The following ACTN2 variants were observed in gnomAD, a reference collection of about 807,000 sequenced individuals.
ACTN2 encodes the protein alpha-actinin-2.
A neutral mutation model predicts 113.8 loss-of-function variants in ACTN2; 39 were observed. The observed-to-expected ratio is 0.34, with a 90% CI of 0.27 to 0.45. ACTN2 has a LOEUF of 0.45. Among genes scored for constraint, ACTN2 ranks in the 20% least tolerant of loss-of-function variants. The probability of loss-of-function intolerance (pLI) is 1.00; values close to 1 mark genes in which losing one functional copy is unlikely to be tolerated. For missense variants in ACTN2, 992 were observed against 1,177.9 expected, an observed-to-expected ratio of 0.84 and a Z score of 2.31; for synonymous variants, 429 against 444.1, an observed-to-expected ratio of 0.97 and a Z score of 0.43.
In ACTN2 at chr1:236,757,468, CCCCTTTT is replaced by C. The variant is rs1299215367; in HGVS notation, c.2155-13_2155-7del. 5 of 1,613,938 alleles carry C rather than the reference CCCCTTTT, an allele frequency of 3.1e-6. No homozygotes were observed. Among genetic ancestry groups the C allele is most frequent in the Non-Finnish European group, 3.4e-6 (4 of 1,179,980 alleles). On this transcript the variant is annotated splice_polypyrimidine_tract_variant and intron_variant, in intron 17 of 20. Transcript: ENST00000366578. ...CTGGAGAGACTTAGAACTGATCTTTCCCCTTTTCCCTCAATAGCACATTCGTGTTGGA... is the reference window on the plus strand; with the variant it reads ...CTGGAGAGACTTAGAACTGATCTTTCCCCTCAATAGCACATTCGTGTTGGA...
At chr1:236,751,002 ATT>A (rs1370314401) in intron 14 of ACTN2, among the ~76,000 whole-genome samples, 1 of 146,842 alleles carries the variant, frequency 6.8e-6, no homozygotes, top group African/African-American at 2.5e-5. Flanking sequence ...AGGCAGGAGG[ATT>A]ACTTGAGCCC....
intron 1 of ACTN2, among the ~76,000 whole-genome samples, chr1:236,705,272 C>G (rs1657791878): frequency 1.3e-5 from 2 of 151,966 alleles, no homozygotes; most frequent in Admixed American, 1.3e-4. Flanking sequence ...AATATTTTAG[C>G]TTATTGGAAT....
intron 1 of ACTN2, among the ~76,000 whole-genome samples, chr1:236,696,666 ATTT>A (rs34828949): frequency 1.3e-4 from 17 of 129,930 alleles, no homozygotes; most frequent in African/African-American, 5.6e-5. Flanking sequence ...TTGTCCCACT[ATTT>A]TTTTTTTTTT....
At chr1:236,687,054 C>T (rs1388102679) in intron 1 of ACTN2, among the ~76,000 whole-genome samples, 1 of 151,844 alleles carries the variant, frequency 6.6e-6, no homozygotes, top group African/African-American at 2.4e-5. Context: ...TTCCTCACAC[C>T]AACCCGCGTT....
At chr1:236,726,099 C>G in intron 5 of ACTN2, 79 bp downstream of exon 5, 1 of 1,297,368 alleles carries the variant, frequency 7.7e-7, no homozygotes, top group African/African-American at 1.5e-5. Context: ...TGTGTGCACC[C>G]GTGTTTTCCT....
chr1:236,737,305 A>T (rs1011948149), intron 9 of ACTN2, 91 bp downstream of exon 9: 1 of 292,734 alleles, frequency 3.4e-6, no homozygotes, highest in Non-Finnish European at 7.0e-6. Context: ...GGGCATATAT[A>T]TATATATATA....
intron 12 of ACTN2, among the ~76,000 whole-genome samples, chr1:236,745,327 G>T (rs11811089): frequency 6.6e-6 from 1 of 152,116 alleles, no homozygotes; most frequent in Non-Finnish European, 1.5e-5. Flanking sequence ...CCAGCTGCTC[G>T]GGAGGCTGAG....
Position 236,755,111 on chromosome 1 carries a change from G to A in ACTN2, c.2067G>A (p.Lys689=). The change falls in exon 17 of 21, where the codon AAG becomes AAA. Residue 689 remains lysine (K), a synonymous_variant. Transcript: ENST00000366578. Reference sequence around the variant, plus strand: ...ATGAGCACAACATCATCAACTATAAGAACAACATCGACAAGCTGGAGGGAG... The same window carrying A: ...ATGAGCACAACATCATCAACTATAAAAACAACATCGACAAGCTGGAGGGAG... The part of the protein sequence containing the change: ...KQYEHNIINY[K]NNIDKLEGDH... 6.2e-7 allele frequency: 1 copy of A among 1,614,184 alleles called. No homozygotes were observed. The highest frequency in any genetic ancestry group is 8.5e-7 in the Non-Finnish European group (1 of 1,180,038).
chr1:236,759,852 A>G (rs1404931981), intron 19 of ACTN2, 63 bp downstream of exon 19: 2 of 1,501,158 alleles, frequency 1.3e-6, no homozygotes, highest in African/African-American at 2.8e-5. Context: ...TTTCTGTTAT[A>G]AAAGATGACA....
intron 17 of ACTN2, among the ~76,000 whole-genome samples, chr1:236,756,834 C>T (rs372369184): frequency 8.0e-4 from 7 of 8,782 alleles, no homozygotes; most frequent in African/African-American, 3.0e-3. Flanking sequence ...CCGCTGCCAC[C>T]GTTAGAACCC....
In ACTN2 at chr1:236,754,929, T is replaced by C. The variant is rs542975546; in HGVS notation, c.1975-90T>C. ...TGCCTGACGCTGGCCTAGCATCCCA[T>C]GCAGGGTCTGGAACGGCGCCTCGTG... On this transcript the variant is annotated intron_variant, in intron 16 of 20. Transcript: ENST00000366578. The surrounding 1 kb of genome is among the most constrained non-coding windows in gnomAD (Gnocchi z 4.9). 1.1e-5 allele frequency: 16 copies of C among 1,508,138 alleles called. No homozygotes were observed. Among genetic ancestry groups the C allele is most frequent in the African/African-American group, 9.6e-5 (7 of 72,830 alleles). The allele number at this position is 1,508,138 out of a possible 1,614,324, so 93.4% of individuals were successfully genotyped here.
intron 1 of ACTN2, among the ~76,000 whole-genome samples, chr1:236,709,251 T>C (rs199702776): frequency 0.011 from 657 of 59,672 alleles, 7 homozygotes; most frequent in South Asian, 0.014. Context: ...TATATATATA[T>C]ATATACACAC....
intron 1 of ACTN2, among the ~76,000 whole-genome samples, chr1:236,710,462 T>C (rs556309967): frequency 5.3e-4 from 81 of 152,360 alleles, no homozygotes; most frequent in Non-Finnish European, 8.7e-4. Flanking sequence ...TTAGGGACTT[T>C]GCTAGCAAGT....
chr1:236,704,044 G>A (rs113344684), intron 1 of ACTN2, among the ~76,000 whole-genome samples: 3 of 152,270 alleles, frequency 2.0e-5, no homozygotes, highest in African/African-American at 7.2e-5. Flanking sequence ...TGGTGATCAG[G>A]ATAAGAGGGA....
intron 1 of ACTN2, among the ~76,000 whole-genome samples, chr1:236,691,631 C>A (rs759218361): frequency 3.9e-5 from 6 of 152,056 alleles, no homozygotes; most frequent in Non-Finnish European, 8.8e-5. Context: ...GGCAACAGAG[C>A]AAGACCCCAT....
rs551396728 is a variant in ACTN2 at position 236,725,274 on chromosome 1, G to C, written c.449-659G>C. On this transcript the variant is annotated intron_variant, in intron 4 of 20. Transcript: ENST00000366578. The stretch of plus-strand genomic sequence containing the variant: ...TTTTCAAATTGGACACTTAGTCTCT[G>C]GTCCGAATAATAGGTGCCCCCAGTG... Among the ~76,000 whole-genome samples, 9 of 152,216 alleles carry C rather than the reference G, an allele frequency of 5.9e-5. No individual in the cohort carries two copies. In the East Asian group the frequency reaches 1.7e-3, roughly 29 times the overall value.
chr1:236,730,839 A>G (rs1379875120), intron 6 of ACTN2, among the ~76,000 whole-genome samples: 2 of 152,160 alleles, frequency 1.3e-5, no homozygotes, highest in African/African-American at 2.4e-5. Flanking sequence ...CAGCTTTCCA[A>G]TATTTAAAAT....
At chr1:236,705,726 T>C (rs908930481) in intron 1 of ACTN2, among the ~76,000 whole-genome samples, 1 of 152,254 alleles carries the variant, frequency 6.6e-6, no homozygotes, top group Non-Finnish European at 1.5e-5. Context: ...AATTCCATAG[T>C]TTCCATCCTT....
chr1:236,702,611 C>T (rs1657710106), intron 1 of ACTN2, among the ~76,000 whole-genome samples: 2 of 152,072 alleles, frequency 1.3e-5, no homozygotes, highest in Admixed American at 1.3e-4. Flanking sequence ...TACCCATTTT[C>T]CTGAATACCA....
Sources: gnomAD v4.1 joint callset for allele counts (sites outside exome capture counted in the v4.1 genomes callset) on GRCh38, gnomAD v4.1.1 for gene constraint, Gnocchi (gnomAD v3.1) non-coding constraint, MANE v1.5 for transcripts, NCBI Gene and HGNC (gene_info 2026-07-23, HGNC 2026-07-21) for gene names.